The following RYR2 variants were observed in gnomAD, a reference collection of about 807,000 sequenced individuals.
RYR2 encodes the protein cardiac muscle ryanodine receptor-calcium release channel.
A neutral mutation model predicts 601.1 loss-of-function variants in RYR2; 227 were observed. The ratio of observed to expected loss-of-function variants is 0.38; its 90% confidence interval spans 0.34 to 0.42. The LOEUF (loss-of-function observed/expected upper bound fraction) is 0.42. RYR2 is among the 10% of genes least tolerant of loss of function. The pLI is 1.00. For missense variants in RYR2, 4,646 were observed against 6,156.5 expected (o/e 0.75, Z 8.21); for synonymous variants, 2,223 against 2,175.1 (o/e 1.02, Z -0.61).
At chr1:237,238,741 G>T (rs569772923) in intron 1 of RYR2, among the ~76,000 whole-genome samples, 1 of 152,140 alleles carries the variant, frequency 6.6e-6, no homozygotes, top group Non-Finnish European at 1.5e-5. Context: ...ATAGACCTGT[G>T]GGTCACCTTA....
chr1:237,475,265 TACTG>T (rs1479165399), intron 17 of RYR2, among the ~76,000 whole-genome samples: 2 of 152,214 alleles, frequency 1.3e-5, no homozygotes, highest in African/African-American at 4.8e-5. Flanking sequence ...TAAAGATTCT[TACTG>T]ACTATGAGAT....
chr1:237,284,312 G>A (rs953382802), intron 2 of RYR2, among the ~76,000 whole-genome samples: 12 of 150,716 alleles, frequency 8.0e-5, no homozygotes, highest in African/African-American at 2.2e-4. Flanking sequence ...ACTGGGAGGC[G>A]GACGTTGCAG....
At chr1:237,669,731 G>A (rs1684719184) in intron 58 of RYR2, among the ~76,000 whole-genome samples, 1 of 151,614 alleles carries the variant, frequency 6.6e-6, no homozygotes, top group Non-Finnish European at 1.5e-5. Flanking sequence ...TAGATGTGAT[G>A]GCGGCTGGGA....
rs112258307 is a variant in RYR2, at chr1:237,817,928, A to T, written c.14434-1108A>T. 4.5e-3 allele frequency among the ~76,000 whole-genome samples: 679 copies of T among 152,324 alleles called. 1 individual carries two copies. The highest frequency in any genetic ancestry group is 0.014 in the Middle Eastern group (4 of 294). The stretch of plus-strand genomic sequence containing the variant: ...AGTCTAAGAAAATCTCAGAGGAAGG[A>T]TTATTAATTTAGGCCCTACAGGATG... On this transcript the variant is annotated intron_variant, in intron 100 of 104. Coordinates refer to ENST00000366574, the MANE Select transcript of RYR2 (RefSeq NM_001035.3).
At chr1:237,551,157 A>G (rs1330472666) in intron 27 of RYR2, among the ~76,000 whole-genome samples, 1 of 152,230 alleles carries the variant, frequency 6.6e-6, no homozygotes, top group African/African-American at 2.4e-5. Flanking sequence ...TAGATACTCA[A>G]TAACTAACTA....
intron 37 of RYR2, among the ~76,000 whole-genome samples, chr1:237,616,791 C>A (rs1056224824): frequency 6.6e-6 from 1 of 152,174 alleles, no homozygotes; most frequent in African/African-American, 2.4e-5. Context: ...GTTTAATGGA[C>A]TCACAGTTCC....
intron 12 of RYR2, among the ~76,000 whole-genome samples, chr1:237,433,034 T>TG (rs59192841): frequency 0.085 from 2,801 of 32,840 alleles, 78 homozygotes; most frequent in African/African-American, 0.21. Context: ...TGACTGTGTG[T>TG]GGGGGGGGGT....
intron 40 of RYR2, among the ~76,000 whole-genome samples, chr1:237,626,580 CTTTTTTTTTTTTTTTTTTTT>C (rs60885998): frequency 2.0e-3 from 81 of 40,064 alleles, no homozygotes; most frequent in African/African-American, 7.0e-3. Flanking sequence ...TTTTCTTTTT[CTTTTTTTTTTTTTTTTTTTT>C]TTTTTTTTTT....
Position 237,832,874 on chromosome 1 carries a change from A to G in RYR2, c.*227A>G, listed in dbSNP as rs1663962587. On this transcript the variant is annotated 3_prime_UTR_variant, in exon 105 of 105. Transcript: ENST00000366574. ...TAATCTAAATTCATACTCAGACAAA[A>G]AAAGGAATTCTGGAAAGAAAACCAT... 2.5e-6 allele frequency: 1 copy of G among 399,188 alleles called. No homozygotes were observed. The highest frequency in any genetic ancestry group is 4.5e-6 in the Non-Finnish European group (1 of 220,550). The allele number at this position is 399,188 out of a possible 1,614,324, so 24.7% of individuals were successfully genotyped here.
intron 28 of RYR2, 69 bp from the exon 29 acceptor site, chr1:237,569,076 C>A: frequency 7.0e-7 from 1 of 1,438,542 alleles, no homozygotes; most frequent in Non-Finnish European, 9.5e-7. Flanking sequence ...TAGGTCGTGA[C>A]AGAGTGGTGG....
At chr1:237,706,853 T>G (rs1688421710) in intron 67 of RYR2, 96 bp from the exon 68 acceptor site, 1 of 1,063,400 alleles carries the variant, frequency 9.4e-7, no homozygotes. Flanking sequence ...CTTGCTAAAT[T>G]TTGAAGTCCA....
intron 29 of RYR2, among the ~76,000 whole-genome samples, chr1:237,574,595 G>A (rs1370836120): frequency 2.6e-5 from 4 of 152,160 alleles, no homozygotes; most frequent in Admixed American, 2.6e-4. Context: ...AAGTCAGAGA[G>A]ATACAAAATA....
At chr1:237,757,906 AAG>A (rs1429723964) in intron 82 of RYR2, 130 bp downstream of exon 82, 3 of 559,146 alleles carry the variant, frequency 5.4e-6, no homozygotes, top group Non-Finnish European at 3.2e-6. Context: ...CACAGTACTG[AAG>A]AGAGAGCAAA....
intron 1 of RYR2, among the ~76,000 whole-genome samples, chr1:237,183,515 T>C (rs547726265): frequency 1.1e-4 from 17 of 152,316 alleles, no homozygotes; most frequent in African/African-American, 3.6e-4. Context: ...GACACGGGCA[T>C]GGAACCACTG....
rs771861309 is a variant in RYR2 at position 237,657,972 on chromosome 1, T to C, written c.8158T>C (p.Phe2720Leu). 1 of 1,519,446 alleles carries C rather than the reference T, an allele frequency of 6.6e-7. No individual in the cohort carries two copies. 94.1% of individuals were successfully genotyped at this position (1,519,446 alleles called of 1,614,324 possible). A position where few individuals can be genotyped will look rare whatever the true frequency, so the allele number is the denominator to read the frequency against. The change falls in exon 54 of 105, where the codon TTC becomes CTC. Residue 2720 changes from phenylalanine (F) to leucine (L), a missense_variant. Physicochemically the swap from Phe to Leu is conservative, Grantham distance 22. This residue lies in a region of RYR2 where 1,497 missense variants were observed against 1,842.6 expected (regional missense o/e 0.81). Coordinates refer to ENST00000366574, the MANE Select transcript of RYR2 (RefSeq NM_001035.3). ...NITIPEKLEY[F>L]INKYAEHSHD... Reference sequence around the variant, plus strand: ...TACAATTCCTGAGAAATTGGAATACTTCATTAACAAATATGCAGAACACTC... The same window carrying C: ...TACAATTCCTGAGAAATTGGAATACCTCATTAACAAATATGCAGAACACTC...
At chr1:237,479,319 T>G (rs1327371864) in intron 17 of RYR2, among the ~76,000 whole-genome samples, 1 of 152,220 alleles carries the variant, frequency 6.6e-6, no homozygotes, top group Non-Finnish European at 1.5e-5. Context: ...TTTTTGTCAA[T>G]GTATTGCACA....
intron 14 of RYR2, 137 bp downstream of exon 14, chr1:237,445,659 G>C (rs747728600): frequency 5.7e-6 from 6 of 1,049,574 alleles, no homozygotes; most frequent in Non-Finnish European, 6.9e-6. Context: ...GAAACGTTAG[G>C]AAGTGTTAAT....
intron 2 of RYR2, among the ~76,000 whole-genome samples, chr1:237,291,149 A>G (rs1450352071): frequency 6.6e-6 from 1 of 152,192 alleles, no homozygotes; most frequent in African/African-American, 2.4e-5. Flanking sequence ...TACCTGGCCT[A>G]GGCCAACTCT....
chr1:237,526,570 C>T (rs146794805), intron 24 of RYR2, among the ~76,000 whole-genome samples: 13 of 152,252 alleles, frequency 8.5e-5, no homozygotes, highest in Admixed American at 2.0e-4. Context: ...TGGTCTTGAA[C>T]TCCTGGGCTC....
Sources: gnomAD v4.1 joint callset for allele counts (sites outside exome capture counted in the v4.1 genomes callset) on GRCh38, gnomAD v4.1.1 for gene constraint, gnomAD v4.1.1 regional missense constraint, MANE v1.5 for transcripts, NCBI Gene and HGNC (gene_info 2026-07-23, HGNC 2026-07-21) for gene names.